Variants in NUMA1 observed in about 807,000 individuals in gnomAD.
NUMA1 encodes SP-H antigen.
NUMA1 carries 62 observed loss-of-function variants against 237.1 expected under a neutral mutation model. The ratio of observed to expected loss-of-function variants is 0.26; its 90% CI spans 0.21 to 0.32. The LOEUF (loss-of-function observed/expected upper bound fraction) is 0.32. Ranked by LOEUF, NUMA1 falls within the 10% of genes least tolerant of loss-of-function variation. The probability of loss-of-function intolerance (pLI) is 1.00; values close to 1 mark genes in which losing one functional copy is unlikely to be tolerated. For synonymous variants in NUMA1, 1,028 were observed against 1,066.1 expected (o/e 0.96, Z 0.70); for missense variants, 2,533 against 2,666.5 (o/e 0.95, Z 1.10).
chr11:72,003,627 C>T, intron 26 of NUMA1, 89 bp from the exon 27 acceptor site: 3 of 1,538,334 alleles, frequency 2.0e-6, no homozygotes, highest in Non-Finnish European at 2.7e-6. Flanking sequence ...TGCTCCCACG[C>T]CCCTGTCTGG....
Position 72,019,686 on chromosome 11 carries a change from A to C in NUMA1, c.461-69T>G, listed in dbSNP as rs186970824. ...AGAAGGTGTAAAGATTTGCACCTTT[A>C]TGCAATTTGAGAACTCGCCTTAGTG... is the stretch of plus-strand genomic sequence containing the variant. On this transcript the variant is annotated intron_variant, in intron 8 of 26. Transcript: ENST00000393695. 70 of 1,538,974 alleles carry C rather than the reference A, an allele frequency of 4.5e-5. 1 individual carries two copies. In the East Asian group the frequency reaches 1.4e-3, roughly 30 times the overall value.
chr11:72,009,154 T>C lies in NUMA1; in HGVS notation c.4871A>G (p.Lys1624Arg). The C allele has an allele frequency of 1.2e-6, 2 of 1,603,076 alleles. No homozygotes were observed. Among genetic ancestry groups the C allele is most frequent in the Non-Finnish European group, 1.7e-6 (2 of 1,178,506 alleles). ...MEKAKTHYDA[K>R]KQQNQELQEQ... The stretch of plus-strand genomic sequence containing the variant: ...CTGCAGCTCTTGGTTCTGCTGCTTC[T>C]TGGCATCATAATGTGTTTTGGCTTT... Residue 1624 changes from lysine to arginine, a missense_variant, in exon 19 of 27, where the codon AAG becomes AGG. Physicochemically the swap from Lys to Arg is conservative, Grantham distance 26. Transcript: ENST00000393695.
In NUMA1 at chr11:72,008,825, C is replaced by G. The variant is rs1955937231; in HGVS notation, c.5079G>C (p.Gln1693His). The G allele has an allele frequency of 6.2e-7, 1 of 1,614,144 alleles. No homozygotes were observed. The highest frequency in any genetic ancestry group is 1.3e-5 in the African/African-American group (1 of 75,042). ...CCTGGAATTTGCCCAGGTCTCGAAGCTGCTGGTCTGCATGGGCAACCTGAG... is the reference window on the plus strand; with the variant it reads ...CCTGGAATTTGCCCAGGTCTCGAAGGTGCTGGTCTGCATGGGCAACCTGAG... ...LEAQVAHADQ[Q>H]LRDLGKFQVA... Residue 1693 changes from glutamine to histidine, a missense_variant, in exon 20 of 27, where the codon CAG (glutamine) becomes CAC (histidine). Physicochemically the swap from Gln to His is conservative, Grantham distance 24. Transcript: ENST00000393695.
chr11:72,024,275 C>G lies in NUMA1; in HGVS notation c.207G>C (p.Gln69His). 6.2e-7 allele frequency: 1 copy of G among 1,614,072 alleles called. No individual in the cohort carries two copies. The highest frequency in any genetic ancestry group is 8.5e-7 in the Non-Finnish European group (1 of 1,179,912). The change falls in exon 5 of 27, where the codon CAG becomes CAC. Residue 69 changes from glutamine to histidine, a missense_variant and splice_region_variant. Coordinates refer to ENST00000393695, the MANE Select transcript of NUMA1 (RefSeq NM_006185.4). ...ERLDFVCSFL[Q>H]KNRKHPSSPE... ...TAGCTGGATAAGAAAGGTGCTTACTCTGCAGAAAACTGCACACAAAGTCCA... is the reference window on the plus strand; with the variant it reads ...TAGCTGGATAAGAAAGGTGCTTACTGTGCAGAAAACTGCACACAAAGTCCA...
intron 20 of NUMA1, 114 bp from the exon 21 acceptor site, chr11:72,007,549 G>C: frequency 7.6e-7 from 1 of 1,315,610 alleles, no homozygotes; most frequent in Non-Finnish European, 1.0e-6. Context: ...AGGTCAAGCA[G>C]CCCATCTCTC....
Position 72,014,173 on chromosome 11 carries a change from C to T in NUMA1, c.3330G>A (p.Glu1110=), listed in dbSNP as rs780688432. 1 of 1,613,718 alleles carries T rather than the reference C, an allele frequency of 6.2e-7. No individual in the cohort carries two copies. Among genetic ancestry groups the T allele is most frequent in the South Asian group, 1.1e-5 (1 of 91,092 alleles). The change falls in exon 15 of 27, where the codon GAG becomes GAA. Residue 1110 remains glutamate, a synonymous_variant. Coordinates refer to ENST00000393695, the MANE Select transcript of NUMA1 (RefSeq NM_006185.4). The surrounding 1 kb of genome is among the most constrained non-coding windows in gnomAD (Gnocchi z 4.6). The part of the protein sequence containing the change: ...EHASGSGAQS[E]AAGRTEPTGP... ...CTGTTGGCTCTGTCCTGCCAGCAGCCTCAGATTGGGCTCCTGAGCCAGATG... is the reference window on the plus strand; with the variant it reads ...CTGTTGGCTCTGTCCTGCCAGCAGCTTCAGATTGGGCTCCTGAGCCAGATG...
intron 24 of NUMA1, 63 bp downstream of exon 24, chr11:72,004,577 T>G: frequency 6.5e-7 from 1 of 1,534,592 alleles, no homozygotes; most frequent in Non-Finnish European, 8.9e-7. Flanking sequence ...CCTTTAGTCC[T>G]TGGTGAGCTG....
rs561083285 is a variant in NUMA1, at chr11:72,027,739, A to T, written c.128+1466T>A. On this transcript the variant is annotated intron_variant, in intron 4 of 26. Coordinates refer to ENST00000393695, the MANE Select transcript of NUMA1 (RefSeq NM_006185.4). ...ACTGAAGTGTCACAAAGAAAACAAG[A>T]TTTGAGAAAGATTCTTGAGAACTCG... Among the ~76,000 whole-genome samples the T allele has an allele frequency of 2.3e-3, 355 of 152,342 alleles. 1 individual carries two copies. Among genetic ancestry groups the T allele is most frequent in the Non-Finnish European group, 3.3e-3 (226 of 68,038 alleles).
intron 3 of NUMA1, 148 bp from the exon 4 acceptor site, chr11:72,029,438 T>G: frequency 2.0e-6 from 1 of 496,496 alleles, no homozygotes; most frequent in South Asian, 3.4e-5. Context: ...CAGGAAGGAG[T>G]GCCGTTGCAC....
intron 2 of NUMA1, chr11:72,067,081 G>C (rs1432449419): frequency 6.6e-6 from 1 of 152,236 alleles, no homozygotes; most frequent in Non-Finnish European, 1.5e-5. Flanking sequence ...AGGGAAAGAA[G>C]AGAAATAGGG....
rs570635791 is a variant in NUMA1, at chr11:72,029,442, G to A, written c.43-152C>T. 3.4e-4 allele frequency: 163 copies of A among 486,136 alleles called. 1 individual carries two copies. The highest frequency in any genetic ancestry group is 3.0e-3 in the African/African-American group (152 of 50,848). 30.1% of individuals were successfully genotyped at this position (486,136 alleles called of 1,614,324 possible). A position where few individuals can be genotyped will look rare whatever the true frequency, so the allele number is the denominator to read the frequency against. Reference sequence around the variant, plus strand: ...GTTTTTAATTTCAGGAAGGAGTGCCGTTGCACTCACTCATCCAGTTACAGC... The same window carrying A: ...GTTTTTAATTTCAGGAAGGAGTGCCATTGCACTCACTCATCCAGTTACAGC... On this transcript the variant is annotated intron_variant, in intron 3 of 26. Coordinates refer to ENST00000393695, the MANE Select transcript of NUMA1 (RefSeq NM_006185.4).
chr11:72,056,900 T>C (rs1026610570), intron 2 of NUMA1, among the ~76,000 whole-genome samples: 4 of 151,958 alleles, frequency 2.6e-5, no homozygotes, highest in African/African-American at 9.7e-5. Context: ...CGGAGATTTT[T>C]GTTAATGAAA....
At chr11:72,057,940 A>G (rs1942750330) in intron 2 of NUMA1, among the ~76,000 whole-genome samples, 2 of 150,386 alleles carry the variant, frequency 1.3e-5, no homozygotes, top group African/African-American at 2.4e-5. Flanking sequence ...GCGTGGTAGC[A>G]GGCGCCTGTA....
intron 26 of NUMA1, 52 bp from the exon 27 acceptor site, chr11:72,003,590 C>T (rs201042334): frequency 1.1e-4 from 175 of 1,606,056 alleles, no homozygotes; most frequent in Non-Finnish European, 1.5e-4. Flanking sequence ...TACTAGCCTG[C>T]ACCCACTGGC....
At chr11:72,016,558 A>G in intron 13 of NUMA1, 28 bp from the exon 14 acceptor site, 13 of 1,608,776 alleles carry the variant, frequency 8.1e-6, no homozygotes, top group Non-Finnish European at 1.0e-5. Flanking sequence ...CCATGTGAAC[A>G]GAGAGGGGGA....
At chr11:72,005,785 A>G (rs893287284) in intron 22 of NUMA1, 2 of 545,716 alleles carry the variant, frequency 3.7e-6, no homozygotes, top group Admixed American at 3.4e-5. Context: ...AGGACTCCCC[A>G]CAGCTAAGTG....
chr11:72,042,046 C>CACG (rs1243817577), intron 2 of NUMA1: 1 of 152,296 alleles, frequency 6.6e-6, no homozygotes, highest in African/African-American at 2.4e-5. Flanking sequence ...GGGGCCAAGG[C>CACG]ACGAGACCGA....
At chr11:72,003,769 A>AC (rs1955439858) in intron 26 of NUMA1, 118 bp downstream of exon 26, 1 of 1,143,752 alleles carries the variant, frequency 8.7e-7, no homozygotes, top group African/African-American at 1.6e-5. Context: ...GACACCTCTT[A>AC]CCCCACACCC....
intron 2 of NUMA1, among the ~76,000 whole-genome samples, chr11:72,064,939 A>G (rs563833137): frequency 1.3e-5 from 2 of 152,306 alleles, no homozygotes; most frequent in African/African-American, 4.8e-5. Context: ...TCATATACAT[A>G]TTTATCCCTC....
Sources: allele counts gnomAD v4.1 joint callset (sites outside exome capture counted in the v4.1 genomes callset), GRCh38; gene constraint gnomAD v4.1.1; non-coding constraint Gnocchi (gnomAD v3.1); transcripts MANE v1.5; gene names NCBI Gene and HGNC (gene_info 2026-07-23, HGNC 2026-07-21).